MINDY2: variants seen among roughly 807,000 people sequenced by gnomAD.
MINDY2 encodes ubiquitin carboxyl-terminal hydrolase MINDY-2.
In MINDY2, 52 loss-of-function variants were observed where a neutral mutation model predicts 68.2. That is an observed-to-expected ratio of 0.76 (90% confidence interval 0.61 to 0.96). The LOEUF is 0.96. MINDY2 is among the 40% of genes least tolerant of loss of function. The pLI is 0.00. For synonymous variants in MINDY2, 372 were observed against 303.0 expected (o/e 1.23, Z -2.36); for missense variants, 881 against 773.4 (o/e 1.14, Z -1.65).
rs1361661653 is a variant in MINDY2, at chr15:58,857,308, T to TG, written c.*2700dup. The TG allele has an allele frequency of 6.6e-6, 1 of 152,110 alleles. No individual in the cohort carries two copies. Among genetic ancestry groups the TG allele is most frequent in the Admixed American group, 6.6e-5 (1 of 15,244 alleles). 9.4% of individuals were successfully genotyped at this position (152,110 alleles called of 1,614,324 possible). ...CAGTACTTTGGGAGGCCGAGGCAGG[T>TG]GGATCACCTGAGATCAGGAGTTCGA... On this transcript the variant is annotated 3_prime_UTR_variant, in exon 9 of 9. Coordinates refer to ENST00000559228, the MANE Select transcript of MINDY2 (RefSeq NM_001040450.3).
chr15:58,771,503 C>T lies in MINDY2; in HGVS notation c.108C>T (p.Ala36=), dbSNP rs1900384337. The stretch of plus-strand genomic sequence containing the variant: ...AAGGGCTACAGGAGACCAGGCTCGC[C>T]GCTGGTGATGGTCCTGGGGTATGGG... ...SQEGLQETRL[A]AGDGPGVWAA... Residue 36 remains alanine, a synonymous_variant, in exon 1 of 9, where the codon GCC becomes GCT. Coordinates refer to ENST00000559228, the MANE Select transcript of MINDY2 (RefSeq NM_001040450.3). 1 of 1,612,264 alleles carries T rather than the reference C, an allele frequency of 6.2e-7. No individual in the cohort carries two copies. Among genetic ancestry groups the T allele is most frequent in the Non-Finnish European group, 8.5e-7 (1 of 1,179,754 alleles).
chr15:58,836,665 C>A (rs2032008655), intron 6 of MINDY2, among the ~76,000 whole-genome samples: 1 of 152,068 alleles, frequency 6.6e-6, no homozygotes, highest in South Asian at 2.1e-4. Context: ...GTCACCCAGG[C>A]TTGAGTGCGC....
intron 1 of MINDY2, among the ~76,000 whole-genome samples, chr15:58,775,177 G>A (rs1900699624): frequency 6.6e-6 from 1 of 152,180 alleles, no homozygotes; most frequent in Admixed American, 6.5e-5. Context: ...CGCTCTGTCA[G>A]TTAATGCAAT....
chr15:58,832,366 A>G (rs572846638), intron 6 of MINDY2, among the ~76,000 whole-genome samples: 13 of 150,942 alleles, frequency 8.6e-5, no homozygotes, highest in African/African-American at 2.9e-4. Context: ...AGCTGGGATT[A>G]CAGGCATGCA....
intron 2 of MINDY2, among the ~76,000 whole-genome samples, chr15:58,800,489 A>G (rs1902568333): frequency 6.6e-6 from 1 of 152,106 alleles, no homozygotes; most frequent in Admixed American, 6.6e-5. Flanking sequence ...TACTCATTCA[A>G]CCATGTTTGC....
chr15:58,784,951 G>T (rs1237291377), intron 1 of MINDY2, among the ~76,000 whole-genome samples: 1 of 151,392 alleles, frequency 6.6e-6, no homozygotes, highest in Non-Finnish European at 1.5e-5. Context: ...TTTTTTCATT[G>T]TAAAGCTTAA....
At chr15:58,832,805 C>T (rs1382561502) in intron 6 of MINDY2, among the ~76,000 whole-genome samples, 1 of 152,172 alleles carries the variant, frequency 6.6e-6, no homozygotes, top group Non-Finnish European at 1.5e-5. Context: ...GGATTACAGG[C>T]TTGAGCCACC....
At chr15:58,812,044 A>G (rs1178566983) in intron 4 of MINDY2, among the ~76,000 whole-genome samples, 1 of 152,244 alleles carries the variant, frequency 6.6e-6, no homozygotes, top group Non-Finnish European at 1.5e-5. Flanking sequence ...ATGCCTTTCA[A>G]ATTTATTTTG....
chr15:58,860,087 C>G lies in MINDY2; in HGVS notation c.*5477C>G, dbSNP rs1455611195. On this transcript the variant is annotated 3_prime_UTR_variant, in exon 9 of 9. Coordinates refer to ENST00000559228, the MANE Select transcript of MINDY2 (RefSeq NM_001040450.3). ...ATTAAGTCTCTCTTTATCTGATATT[C>G]TAAGGATTTCTTCAAACTACTTAAT... 2.0e-5 allele frequency: 3 copies of G among 152,164 alleles called. No individual in the cohort carries two copies. Among genetic ancestry groups the G allele is most frequent in the Non-Finnish European group, 4.4e-5 (3 of 68,034 alleles). 9.4% of individuals were successfully genotyped at this position (152,164 alleles called of 1,614,324 possible).
Position 58,855,208 on chromosome 15 carries a change from G to A in MINDY2, c.*598G>A, listed in dbSNP as rs576497718. The A allele has an allele frequency of 6.6e-6, 1 of 152,654 alleles. No homozygotes were observed. The highest frequency in any genetic ancestry group is 2.4e-5 in the African/African-American group (1 of 41,520). 9.5% of individuals were successfully genotyped at this position (152,654 alleles called of 1,614,324 possible). A position where few individuals can be genotyped will look rare whatever the true frequency, so the allele number is the denominator to read the frequency against. ...TTTTAGGTATTATCTTGATCATGGA[G>A]CTTAGTTTTAATTTAGATAGCAAAA... On this transcript the variant is annotated 3_prime_UTR_variant, in exon 9 of 9. Transcript: ENST00000559228.
intron 5 of MINDY2, among the ~76,000 whole-genome samples, chr15:58,829,166 G>C (rs1567065611): frequency 6.6e-6 from 1 of 152,144 alleles, no homozygotes; most frequent in Non-Finnish European, 1.5e-5. Context: ...GTTGAAACTA[G>C]ATTGAGCTTT....
Position 58,848,039 on chromosome 15 carries a change from A to G in MINDY2, c.1542+569A>G, listed in dbSNP as rs1294985485. ...AGACATTTGTAGCAGGAGACACACT[A>G]GGGAATAGAAGTTGCATTTAGAAAT... On this transcript the variant is annotated intron_variant, in intron 7 of 8. Coordinates refer to ENST00000559228, the MANE Select transcript of MINDY2 (RefSeq NM_001040450.3). 2.0e-5 allele frequency among the ~76,000 whole-genome samples: 3 copies of G among 151,898 alleles called. No homozygotes were observed. The East Asian group carries it at 5.8e-4, about 29-fold the overall frequency.
At chr15:58,839,034 T>C (rs150700550) in intron 6 of MINDY2, among the ~76,000 whole-genome samples, 139 of 152,282 alleles carry the variant, frequency 9.1e-4, no homozygotes, top group African/African-American at 3.2e-3. Flanking sequence ...CCAGTTTCTT[T>C]ACTGGTTGTA....
At chr15:58,824,828 C>G (rs2031293107) in intron 5 of MINDY2, among the ~76,000 whole-genome samples, 1 of 151,978 alleles carries the variant, frequency 6.6e-6, no homozygotes. Flanking sequence ...TGCCACCATG[C>G]CCGACTAATT....
At chr15:58,782,118 A>C (rs1280139132) in intron 1 of MINDY2, among the ~76,000 whole-genome samples, 1 of 152,122 alleles carries the variant, frequency 6.6e-6, no homozygotes, top group Non-Finnish European at 1.5e-5. Flanking sequence ...AAGAATCCTT[A>C]AGTTTTTGAG....
chr15:58,857,275 T>G lies in MINDY2; in HGVS notation c.*2665T>G, dbSNP rs1156320624. 1 of 152,218 alleles carries G rather than the reference T, an allele frequency of 6.6e-6. No homozygotes were observed. Among genetic ancestry groups the G allele is most frequent in the Admixed American group, 6.5e-5 (1 of 15,270 alleles). The allele number at this position is 152,218 out of a possible 1,614,324, so 9.4% of individuals were successfully genotyped here. A position where few individuals can be genotyped will look rare whatever the true frequency, so the allele number is the denominator to read the frequency against. On this transcript the variant is annotated 3_prime_UTR_variant, in exon 9 of 9. Coordinates refer to ENST00000559228, the MANE Select transcript of MINDY2 (RefSeq NM_001040450.3). Reference sequence around the variant, plus strand: ...GGGTATAAAGAATTTAGATCATGCCTGTAATCCCAGTACTTTGGGAGGCCG... The same window carrying G: ...GGGTATAAAGAATTTAGATCATGCCGGTAATCCCAGTACTTTGGGAGGCCG...
Position 58,837,209 on chromosome 15 carries a change from G to A in MINDY2, c.1368+5293G>A, listed in dbSNP as rs111967960. Among the ~76,000 whole-genome samples, 1,064 of 152,210 alleles carry A rather than the reference G, an allele frequency of 7.0e-3. 14 individuals are homozygous for A. Among genetic ancestry groups the A allele is most frequent in the African/African-American group, 0.024 (1,004 of 41,528 alleles). ...ATTATTCTCTCCTACTAATTCCTGA[G>A]TTGTTTGTAGCACTTTATAAACTTG... On this transcript the variant is annotated intron_variant, in intron 6 of 8. Transcript: ENST00000559228.
At chr15:58,779,053 T>G (rs1900964871) in intron 1 of MINDY2, among the ~76,000 whole-genome samples, 1 of 145,794 alleles carries the variant, frequency 6.9e-6, no homozygotes, top group Non-Finnish European at 1.5e-5. Flanking sequence ...TGAGCCACTG[T>G]GCCCAACCAT....
chr15:58,798,612 C>A lies in MINDY2; in HGVS notation c.899-3701C>A, dbSNP rs188609410. The stretch of plus-strand genomic sequence containing the variant: ...CTGGGATTACAAGCGCCTGCCACCA[C>A]ACCCAGCTAATTTTTGTATTTTTAG... On this transcript the variant is annotated intron_variant, in intron 2 of 8. Transcript: ENST00000559228. 2.8e-4 allele frequency among the ~76,000 whole-genome samples: 43 copies of A among 152,120 alleles called. No homozygotes were observed. In the East Asian group the frequency reaches 7.7e-3, roughly 27 times the overall value.
Sources: allele counts gnomAD v4.1 joint callset (sites outside exome capture counted in the v4.1 genomes callset), GRCh38; gene constraint gnomAD v4.1.1; transcripts MANE v1.5; gene names NCBI Gene and HGNC (gene_info 2026-07-23, HGNC 2026-07-21).